TMEM38B: variants seen among roughly 807,000 people sequenced by gnomAD.
The protein encoded by TMEM38B is trimeric intracellular cation channel type B.
Under a neutral mutation model 28.7 loss-of-function variants are expected in TMEM38B, and 24 were observed. That is an observed-to-expected ratio of 0.84 (90% CI 0.61 to 1.18). The LOEUF (loss-of-function observed/expected upper bound fraction) is 1.18. Among genes scored for constraint, TMEM38B ranks in the 50% most tolerant of loss-of-function variants. The pLI, the probability that TMEM38B is intolerant of heterozygous loss-of-function variation, is 0.00. For missense variants in TMEM38B, 380 were observed against 350.9 expected (o/e 1.08, Z -0.66); for synonymous variants, 131 against 127.7 (o/e 1.03, Z -0.17).
intron 1 of TMEM38B, among the ~76,000 whole-genome samples, chr9:105,700,432 A>G (rs1323139125): frequency 6.6e-6 from 1 of 152,200 alleles, no homozygotes; most frequent in African/African-American, 2.4e-5. Flanking sequence ...TAGATGAGGA[A>G]TAGTTTTAAG....
intron 1 of TMEM38B, among the ~76,000 whole-genome samples, chr9:105,694,989 C>T (rs1256382433): frequency 2.0e-5 from 3 of 152,212 alleles, no homozygotes; most frequent in Non-Finnish European, 4.4e-5. Flanking sequence ...TCTAGTACTC[C>T]TCAAAGGAGG....
chr9:105,746,304 G>A (rs1837390886), intron 4 of TMEM38B, among the ~76,000 whole-genome samples: 1 of 152,118 alleles, frequency 6.6e-6, no homozygotes, highest in Admixed American at 6.5e-5. Context: ...TCCCTTATAA[G>A]TGGGATTCCT....
At chr9:105,757,028 C>T (rs1837859420) in intron 5 of TMEM38B, among the ~76,000 whole-genome samples, 1 of 151,930 alleles carries the variant, frequency 6.6e-6, no homozygotes, top group Admixed American at 6.6e-5. Context: ...TATACTGTAC[C>T]CAATGTGTAG....
At chr9:105,758,951 A>C in intron 5 of TMEM38B, 1 of 1,352,512 alleles carries the variant, frequency 7.4e-7, no homozygotes, top group Middle Eastern at 2.4e-4. Context: ...CCCTAGAAGA[A>C]GTCATAAATC....
At chr9:105,715,406 C>T (rs750287087) in intron 2 of TMEM38B, among the ~76,000 whole-genome samples, 6 of 151,604 alleles carry the variant, frequency 4.0e-5, no homozygotes, top group South Asian at 2.1e-4. Context: ...CGTTGTTGTG[C>T]GACAGTATTC....
intron 4 of TMEM38B, among the ~76,000 whole-genome samples, chr9:105,725,460 TTATG>T (rs1329372584): frequency 2.0e-5 from 3 of 151,518 alleles, no homozygotes; most frequent in African/African-American, 7.3e-5. Context: ...TGGTTTGTGT[TTATG>T]TATATAGTCA....
intron 2 of TMEM38B, among the ~76,000 whole-genome samples, chr9:105,708,439 C>T (rs1835761790): frequency 6.6e-6 from 1 of 152,134 alleles, no homozygotes; most frequent in African/African-American, 2.4e-5. Context: ...TGAAACCAGT[C>T]CCCTACAGAT....
At chr9:105,759,356 TCTC>T in intron 5 of TMEM38B, 1 of 1,245,530 alleles carries the variant, frequency 8.0e-7, no homozygotes, top group Non-Finnish European at 1.2e-6. Context: ...AGTGCCTTCT[TCTC>T]AGTCTGCTTC....
Position 105,741,557 on chromosome 9 carries a change from A to G in TMEM38B, c.543-6516A>G, listed in dbSNP as rs369164500. Reference sequence around the variant, plus strand: ...TAAGGAACATGATATTGGGAACTGGAGAAAGGTTATCCTTGTTATATTGTG... The same window carrying G: ...TAAGGAACATGATATTGGGAACTGGGGAAAGGTTATCCTTGTTATATTGTG... On this transcript the variant is annotated intron_variant, in intron 4 of 5. Transcript: ENST00000374692. Among the ~76,000 whole-genome samples the G allele has an allele frequency of 3.9e-4, 60 of 152,322 alleles. No homozygotes were observed. In the South Asian group the frequency reaches 0.012, roughly 31 times the overall value.
intron 2 of TMEM38B, among the ~76,000 whole-genome samples, chr9:105,706,726 C>T (rs555697334): frequency 6.0e-5 from 9 of 150,822 alleles, no homozygotes; most frequent in African/African-American, 1.7e-4. Context: ...CTGGAGGGGG[C>T]GGGGGTGTCT....
Position 105,776,529 on chromosome 9 carries a change from T to C in TMEM38B, c.*2449T>C, listed in dbSNP as rs1018404685. 2.6e-5 allele frequency: 4 copies of C among 152,132 alleles called. No homozygotes were observed. The highest frequency in any genetic ancestry group is 6.5e-5 in the Admixed American group (1 of 15,270). 9.4% of individuals were successfully genotyped at this position (152,132 alleles called of 1,614,324 possible). On this transcript the variant is annotated 3_prime_UTR_variant, in exon 6 of 6. Transcript: ENST00000374692. ...ACTTCAAATCACAAGTTGATTACAATTGAGTGGAACATCCCATGTTGTAAA... is the reference window on the plus strand; with the variant it reads ...ACTTCAAATCACAAGTTGATTACAACTGAGTGGAACATCCCATGTTGTAAA...
intron 4 of TMEM38B, among the ~76,000 whole-genome samples, chr9:105,730,004 A>G (rs1447758168): frequency 6.6e-6 from 1 of 152,226 alleles, no homozygotes; most frequent in Non-Finnish European, 1.5e-5. Context: ...TTCTAAATAT[A>G]CAATCATGTC....
chr9:105,739,903 G>C (rs1337890075), intron 4 of TMEM38B, among the ~76,000 whole-genome samples: 1 of 150,988 alleles, frequency 6.6e-6, no homozygotes, highest in Non-Finnish European at 1.5e-5. Flanking sequence ...TTTTGTTTGA[G>C]ACAGAGTCTT....
chr9:105,707,746 G>T (rs1835728991), intron 2 of TMEM38B, among the ~76,000 whole-genome samples: 1 of 152,118 alleles, frequency 6.6e-6, no homozygotes, highest in South Asian at 2.1e-4. Flanking sequence ...TAACTTTCTT[G>T]TCTAGTAAGT....
intron 5 of TMEM38B, among the ~76,000 whole-genome samples, chr9:105,752,331 G>A (rs1204716036): frequency 2.6e-5 from 4 of 152,180 alleles, no homozygotes; most frequent in Non-Finnish European, 5.9e-5. Flanking sequence ...CAGCCAGACT[G>A]CTTTTTTAAG....
Position 105,730,980 on chromosome 9 carries a change from C to A in TMEM38B, c.542+8359C>A, listed in dbSNP as rs1310071926. The stretch of plus-strand genomic sequence containing the variant: ...TTTTCTTCTTTATTAGTCTTGCTAG[C>A]CATCTATCTATTTTGTTATCTTTTC... On this transcript the variant is annotated intron_variant, in intron 4 of 5. Transcript: ENST00000374692. Among the ~76,000 whole-genome samples, 3 of 151,960 alleles carry A rather than the reference C, an allele frequency of 2.0e-5. No individual in the cohort carries two copies. In the East Asian group the frequency reaches 5.8e-4, roughly 29 times the overall value.
intron 5 of TMEM38B, among the ~76,000 whole-genome samples, chr9:105,756,104 G>A (rs111678002): frequency 1.3e-4 from 20 of 152,160 alleles, no homozygotes; most frequent in Admixed American, 6.5e-4. Flanking sequence ...AGCCGAGATC[G>A]CGCCATTGCA....
chr9:105,703,818 A>T (rs988599325), intron 1 of TMEM38B, among the ~76,000 whole-genome samples: 8 of 151,808 alleles, frequency 5.3e-5, no homozygotes, highest in African/African-American at 1.9e-4. Context: ...GCATTTTTTC[A>T]TGTGTTTTTT....
intron 4 of TMEM38B, among the ~76,000 whole-genome samples, chr9:105,732,824 A>C (rs901902879): frequency 1.3e-5 from 2 of 152,184 alleles, no homozygotes; most frequent in African/African-American, 4.8e-5. Flanking sequence ...ACTTTAAAAC[A>C]GTTTTTTTGA....
Sources: gnomAD v4.1 joint callset for allele counts (sites outside exome capture counted in the v4.1 genomes callset) on GRCh38, gnomAD v4.1.1 for gene constraint, MANE v1.5 for transcripts, NCBI Gene and HGNC (gene_info 2026-07-23, HGNC 2026-07-21) for gene names.